RGL1: variants seen among roughly 807,000 people sequenced by gnomAD.
RGL1 encodes ral guanine nucleotide dissociation stimulator-like 1.
RGL1 carries 24 observed loss-of-function variants against 95.2 expected under a neutral mutation model. The ratio of observed to expected loss-of-function variants is 0.25; its 90% CI spans 0.18 to 0.35. The LOEUF (loss-of-function observed/expected upper bound fraction) is 0.35. Among genes scored for constraint, RGL1 ranks in the 10% least tolerant of loss-of-function variants. The pLI is 1.00. For missense variants in RGL1, 715 were observed against 936.3 expected, an observed-to-expected ratio of 0.76 and a Z score of 3.08; for synonymous variants, 329 against 344.9, an observed-to-expected ratio of 0.95 and a Z score of 0.51.
At chr1:183,903,728 T>C (rs1282390817) in intron 12 of RGL1, among the ~76,000 whole-genome samples, 1 of 152,170 alleles carries the variant, frequency 6.6e-6, no homozygotes, top group East Asian at 1.9e-4. Context: ...GGGGTATCTA[T>C]CTCCAACTTG....
At chr1:183,648,125 T>G in intron 1 of RGL1, 1 of 1,614,244 alleles carries the variant, frequency 6.2e-7, no homozygotes, top group Non-Finnish European at 8.5e-7. Flanking sequence ...TGTCAGCCAG[T>G]GCTCTCCCAG....
At chr1:183,759,101 A>G (rs1330211011) in intron 2 of RGL1, among the ~76,000 whole-genome samples, 2 of 152,168 alleles carry the variant, frequency 1.3e-5, no homozygotes, top group Non-Finnish European at 2.9e-5. Context: ...GAGCTTGGTT[A>G]GTCACGTGCA....
chr1:183,747,352 C>T (rs1657703954), intron 2 of RGL1, among the ~76,000 whole-genome samples: 1 of 152,182 alleles, frequency 6.6e-6, no homozygotes, highest in Non-Finnish European at 1.5e-5. Flanking sequence ...GCCATTCTAA[C>T]TGGTGTGAGA....
At chr1:183,682,422 T>C (rs560250065) in intron 1 of RGL1, among the ~76,000 whole-genome samples, 2 of 152,302 alleles carry the variant, frequency 1.3e-5, no homozygotes, top group African/African-American at 4.8e-5. Context: ...ATTTTGTTAT[T>C]TACCCAGTAG....
intron 2 of RGL1, among the ~76,000 whole-genome samples, chr1:183,758,424 C>G (rs1049890511): frequency 1.1e-4 from 16 of 152,120 alleles, no homozygotes; most frequent in African/African-American, 3.6e-4. Context: ...GTCTCGATCT[C>G]CTGACCTTGT....
intron 7 of RGL1, among the ~76,000 whole-genome samples, chr1:183,885,496 G>A (rs1321897101): frequency 1.3e-5 from 2 of 152,142 alleles, no homozygotes; most frequent in Non-Finnish European, 2.9e-5. Context: ...AGTTGGAGGG[G>A]AGGAGTCTGT....
chr1:183,798,878 CTTTTTTTTT>C (rs35765152), intron 2 of RGL1, among the ~76,000 whole-genome samples: 1 of 88,184 alleles, frequency 1.1e-5, no homozygotes, highest in African/African-American at 4.7e-5. Context: ...GCAGGATTTC[CTTTTTTTTT>C]TTTTTTTTTT....
chr1:183,762,082 C>T (rs1658695861), intron 2 of RGL1, among the ~76,000 whole-genome samples: 1 of 152,208 alleles, frequency 6.6e-6, no homozygotes, highest in Non-Finnish European at 1.5e-5. Flanking sequence ...TTCTGCATAT[C>T]AGCATTAAGG....
chr1:183,846,231 A>G (rs969636964), intron 2 of RGL1, among the ~76,000 whole-genome samples: 9 of 152,228 alleles, frequency 5.9e-5, no homozygotes, highest in Middle Eastern at 3.2e-3. Context: ...GGATGAGTTC[A>G]TGTCCTTTGG....
At chr1:183,733,993 A>G (rs1476781455) in intron 1 of RGL1, among the ~76,000 whole-genome samples, 1 of 152,118 alleles carries the variant, frequency 6.6e-6, no homozygotes, top group Non-Finnish European at 1.5e-5. Context: ...GGGACCTTCC[A>G]TTTTCCTCTG....
intron 13 of RGL1, 64 bp downstream of exon 13, chr1:183,905,035 A>C: frequency 6.4e-7 from 1 of 1,563,834 alleles, no homozygotes; most frequent in Non-Finnish European, 8.6e-7. Context: ...GCTGCATTTA[A>C]TACCTCGCTG....
At chr1:183,796,115 T>C in intron 2 of RGL1, among the ~76,000 whole-genome samples, 1 of 152,022 alleles carries the variant, frequency 6.6e-6, no homozygotes, top group African/African-American at 2.4e-5. Context: ...ATGTCAATTA[T>C]CTTAATTAAT....
chr1:183,729,381 T>G (rs974071275), intron 1 of RGL1, among the ~76,000 whole-genome samples: 9 of 152,096 alleles, frequency 5.9e-5, no homozygotes, highest in African/African-American at 2.4e-5. Flanking sequence ...CATTCATCAT[T>G]AGGGAAATGA....
intron 1 of RGL1, among the ~76,000 whole-genome samples, chr1:183,665,360 G>A (rs1651959058): frequency 6.7e-6 from 1 of 150,362 alleles, no homozygotes; most frequent in Non-Finnish European, 1.5e-5. Flanking sequence ...TTCTTGTAAT[G>A]TCTTTGTCTG....
chr1:183,691,101 A>T (rs1653921408), intron 1 of RGL1, among the ~76,000 whole-genome samples: 1 of 152,242 alleles, frequency 6.6e-6, no homozygotes, highest in Admixed American at 6.5e-5. Flanking sequence ...ACCAGCAAAC[A>T]TTATTTTTTA....
At chr1:183,736,348 A>G (rs898956559) in intron 1 of RGL1, among the ~76,000 whole-genome samples, 1 of 152,204 alleles carries the variant, frequency 6.6e-6, no homozygotes. Flanking sequence ...TACTTTTGTA[A>G]CTGTAAGAGG....
At chr1:183,919,804 G>A (rs948498387) in intron 16 of RGL1, among the ~76,000 whole-genome samples, 1 of 152,164 alleles carries the variant, frequency 6.6e-6, no homozygotes, top group Non-Finnish European at 1.5e-5. Flanking sequence ...CAATGAGGGC[G>A]ACACCAAAGC....
chr1:183,685,394 T>A (rs1311270073), intron 1 of RGL1, among the ~76,000 whole-genome samples: 1 of 152,250 alleles, frequency 6.6e-6, no homozygotes, highest in Non-Finnish European at 1.5e-5. Context: ...TTACATAGAA[T>A]GTAAAAGGTA....
chr1:183,864,745 C>T (rs1665722271), intron 3 of RGL1, among the ~76,000 whole-genome samples: 1 of 152,128 alleles, frequency 6.6e-6, no homozygotes, highest in Non-Finnish European at 1.5e-5. Context: ...CCAAGAAATC[C>T]ATAAGGCTGA....
Sources: allele counts gnomAD v4.1 joint callset (sites outside exome capture counted in the v4.1 genomes callset), GRCh38; gene constraint gnomAD v4.1.1; transcripts MANE v1.5; gene names NCBI Gene and HGNC (gene_info 2026-07-23, HGNC 2026-07-21).